PRKAG2: variants seen among roughly 807,000 people sequenced by gnomAD.
PRKAG2 encodes the protein 5'-AMP-activated protein kinase subunit gamma-2.
PRKAG2 carries 26 observed loss-of-function variants against 69.6 expected under a neutral mutation model. That is an observed-to-expected ratio of 0.37 (90% CI 0.27 to 0.52). The LOEUF (loss-of-function observed/expected upper bound fraction) is 0.52. Ranked by LOEUF, PRKAG2 falls within the 20% of genes least tolerant of loss-of-function variation. The probability of loss-of-function intolerance (pLI) is 0.90; values close to 1 mark genes in which losing one functional copy is unlikely to be tolerated. For missense variants in PRKAG2, 557 were observed against 740.0 expected (o/e 0.75, Z 2.87); for synonymous variants, 293 against 285.0 (o/e 1.03, Z -0.28).
chr7:151,707,286 C>G (rs1208979127), intron 3 of PRKAG2, among the ~76,000 whole-genome samples: 1 of 152,218 alleles, frequency 6.6e-6, no homozygotes, highest in East Asian at 1.9e-4. Flanking sequence ...AACAGGTGAG[C>G]AGGGGACCTC....
At chr7:151,873,886 T>C (rs982194662) in intron 1 of PRKAG2, among the ~76,000 whole-genome samples, 4 of 152,150 alleles carry the variant, frequency 2.6e-5, no homozygotes, top group African/African-American at 2.4e-5. Flanking sequence ...CCACACAAAA[T>C]GGCCCAACCA....
chr7:151,829,041 C>G (rs1210665003), intron 1 of PRKAG2, among the ~76,000 whole-genome samples: 1 of 152,190 alleles, frequency 6.6e-6, no homozygotes, highest in Non-Finnish European at 1.5e-5. Context: ...ACAAAAGCAA[C>G]TGGACCTCAT....
At chr7:151,642,621 C>T (rs1203974861) in intron 4 of PRKAG2, among the ~76,000 whole-genome samples, 1 of 152,210 alleles carries the variant, frequency 6.6e-6, no homozygotes, top group East Asian at 1.9e-4. Flanking sequence ...TTCTGAATAA[C>T]AATTTCAGAT....
chr7:151,862,430 A>G (rs2079954602), intron 1 of PRKAG2, among the ~76,000 whole-genome samples: 2 of 152,158 alleles, frequency 1.3e-5, no homozygotes, highest in African/African-American at 4.8e-5. Context: ...GTTCACTCAG[A>G]TTTTTCTAAA....
In PRKAG2 at chr7:151,570,208, T is replaced by A; in HGVS notation, c.1069A>T (p.Thr357Ser). The A allele has an allele frequency of 6.2e-7, 1 of 1,603,298 alleles. No individual in the cohort carries two copies. The change falls in exon 10 of 16, where the codon ACA becomes TCA. Residue 357 changes from threonine to serine, a missense_variant. By Grantham distance (58) the Thr-to-Ser change is moderately conservative. Transcript: ENST00000287878. ...ETWRELYLQE[T>S]FKPLVNISPD... ...GATATATTCACTAAAGGCTTAAATG[T>A]TTCTTGTAAATAAAGCTCTGTATTT...
intron 1 of PRKAG2, chr7:151,806,376 A>G (rs1481605512): frequency 6.6e-6 from 1 of 152,416 alleles, no homozygotes; most frequent in African/African-American, 2.4e-5. Context: ...AGGGTGAGAG[A>G]TAACAGAAAG....
At chr7:151,816,492 T>C (rs893887427) in intron 1 of PRKAG2, among the ~76,000 whole-genome samples, 8 of 152,080 alleles carry the variant, frequency 5.3e-5, no homozygotes, top group Non-Finnish European at 1.0e-4. Context: ...CCAAGCTGAG[T>C]GGAAACACTT....
At chr7:151,755,446 T>TGACCTCAGAG (rs975219192) in intron 3 of PRKAG2, among the ~76,000 whole-genome samples, 2 of 151,876 alleles carry the variant, frequency 1.3e-5, no homozygotes, top group South Asian at 2.1e-4. Context: ...CAGCCCAGGG[T>TGACCTCAGAG]GACCTCAGAG....
rs185985195 is a variant in PRKAG2, at chr7:151,609,410, G to A, written c.755-13956C>T. Among the ~76,000 whole-genome samples, 22 of 152,186 alleles carry A rather than the reference G, an allele frequency of 1.4e-4. No homozygotes were observed. In the East Asian group the frequency reaches 4.1e-3, roughly 28 times the overall value. The stretch of plus-strand genomic sequence containing the variant: ...CTATCACTAATCATTTATTAGTCAG[G>A]CAAAAATACTAAAGGATAATTTAAC... On this transcript the variant is annotated intron_variant, in intron 5 of 15. Transcript: ENST00000287878.
intron 3 of PRKAG2, among the ~76,000 whole-genome samples, chr7:151,765,754 C>G (rs141560416): frequency 6.6e-6 from 1 of 152,162 alleles, no homozygotes; most frequent in Non-Finnish European, 1.5e-5. Flanking sequence ...ATCATACAAC[C>G]CTTAACAGTT....
At chr7:151,578,248 G>A (rs1773755545) in intron 6 of PRKAG2, among the ~76,000 whole-genome samples, 2 of 152,224 alleles carry the variant, frequency 1.3e-5, no homozygotes, top group African/African-American at 4.8e-5. Flanking sequence ...AGGAGGCTGA[G>A]GCACAAGAAT....
At chr7:151,861,378 C>A (rs1206264600) in intron 1 of PRKAG2, among the ~76,000 whole-genome samples, 1 of 151,532 alleles carries the variant, frequency 6.6e-6, no homozygotes, top group East Asian at 1.9e-4. Flanking sequence ...AAATACAAAA[C>A]CTGGCCGGTC....
intron 3 of PRKAG2, among the ~76,000 whole-genome samples, chr7:151,695,917 A>T (rs1836550466): frequency 6.6e-6 from 1 of 152,110 alleles, no homozygotes. Context: ...AGACCTCAGC[A>T]CAGCAAGAAC....
At chr7:151,570,825 T>C (rs1807371438) in intron 9 of PRKAG2, among the ~76,000 whole-genome samples, 1 of 152,130 alleles carries the variant, frequency 6.6e-6, no homozygotes, top group Non-Finnish European at 1.5e-5. Context: ...TGGAGTGCAG[T>C]GGCATGATCT....
chr7:151,750,848 T>G (rs1344234875), intron 3 of PRKAG2, among the ~76,000 whole-genome samples: 1 of 150,402 alleles, frequency 6.6e-6, no homozygotes, highest in Non-Finnish European at 1.5e-5. Flanking sequence ...ACCACTACAC[T>G]CCAGCCTGGG....
At position 151,835,575 on chromosome 7, in the gene PRKAG2, C is replaced by T. The variant is rs1001768094; in HGVS notation, c.114+40932G>A. 2.0e-5 allele frequency among the ~76,000 whole-genome samples: 3 copies of T among 152,138 alleles called. No homozygotes were observed. The highest frequency in any genetic ancestry group is 4.8e-5 in the African/African-American group (2 of 41,430). ...CTAACAGCATCCTCCCTGGCCTAAGCCTGGGAGCCTTCCTAAAGGCGTAAG... is the reference window on the plus strand; with the variant it reads ...CTAACAGCATCCTCCCTGGCCTAAGTCTGGGAGCCTTCCTAAAGGCGTAAG... On this transcript the variant is annotated intron_variant, in intron 1 of 15. Coordinates refer to ENST00000287878, the MANE Select transcript of PRKAG2 (RefSeq NM_016203.4). The surrounding 1 kb of genome is among the most constrained non-coding windows in gnomAD (Gnocchi z 4.1).
At chr7:151,764,937 C>T (rs2075649206) in intron 3 of PRKAG2, among the ~76,000 whole-genome samples, 1 of 152,204 alleles carries the variant, frequency 6.6e-6, no homozygotes, top group Non-Finnish European at 1.5e-5. Context: ...GCTGAGAGGC[C>T]GAGCATCCTG....
chr7:151,770,527 C>T (rs765722010), intron 3 of PRKAG2, among the ~76,000 whole-genome samples: 20 of 152,346 alleles, frequency 1.3e-4, no homozygotes, highest in Non-Finnish European at 2.5e-4. Flanking sequence ...ACTATGCTTC[C>T]CAGCCTGTCA....
intron 1 of PRKAG2, among the ~76,000 whole-genome samples, chr7:151,876,178 G>A (rs956482732): frequency 1.3e-5 from 2 of 151,436 alleles, no homozygotes; most frequent in Non-Finnish European, 1.5e-5. Flanking sequence ...ACAACACAAC[G>A]CACCGCCCCC....
Sources: gnomAD v4.1 joint callset for allele counts (sites outside exome capture counted in the v4.1 genomes callset) on GRCh38, gnomAD v4.1.1 for gene constraint, Gnocchi (gnomAD v3.1) non-coding constraint, MANE v1.5 for transcripts, NCBI Gene and HGNC (gene_info 2026-07-23, HGNC 2026-07-21) for gene names.